Variants in USH2A observed in about 807,000 individuals in gnomAD.
The protein encoded by USH2A is usherin.
In USH2A, 443 loss-of-function variants were observed where a neutral mutation model predicts 538.9. That is an observed-to-expected ratio of 0.82 (90% confidence interval 0.76 to 0.89). USH2A has a LOEUF of 0.89. Ranked by LOEUF, USH2A falls within the 40% of genes least tolerant of loss-of-function variation. The probability of loss-of-function intolerance (pLI) is 0.00; values close to 1 mark genes in which losing one functional copy is unlikely to be tolerated. For synonymous variants in USH2A, 2,413 were observed against 2,273.5 expected (o/e 1.06, Z -1.75); for missense variants, 6,633 against 6,324.8 (o/e 1.05, Z -1.65).
chr1:215,734,611 A>C (rs1660102023), intron 60 of USH2A, among the ~76,000 whole-genome samples: 2 of 152,126 alleles, frequency 1.3e-5, no homozygotes, highest in Non-Finnish European at 2.9e-5. Flanking sequence ...CTTTGCTCCC[A>C]TATCTGATTG....
At chr1:215,681,597 G>A (rs557675098) in intron 61 of USH2A, among the ~76,000 whole-genome samples, 2 of 152,216 alleles carry the variant, frequency 1.3e-5, no homozygotes, top group South Asian at 4.1e-4. Context: ...AATTATGTGT[G>A]GGGGCATCCA....
chr1:216,278,252 C>T (rs2036707645), intron 11 of USH2A, among the ~76,000 whole-genome samples: 1 of 152,088 alleles, frequency 6.6e-6, no homozygotes, highest in African/African-American at 2.4e-5. Context: ...CAGATGTATT[C>T]AAACATGTGG....
At chr1:215,629,213 A>G (rs895612076) in intron 70 of USH2A, among the ~76,000 whole-genome samples, 178 bp from the exon 71 acceptor site, 2 of 152,166 alleles carry the variant, frequency 1.3e-5, no homozygotes, top group African/African-American at 4.8e-5. Context: ...AGCACCCACA[A>G]CACGGTGACC....
chr1:215,848,610 G>C (rs12126346), intron 44 of USH2A, among the ~76,000 whole-genome samples: 6,034 of 152,190 alleles, frequency 0.04, 146 homozygotes, highest in African/African-American at 0.069. Flanking sequence ...TGGTGATTCC[G>C]TTCCATTGTT....
At chr1:216,358,935 T>C (rs1294167587) in intron 4 of USH2A, among the ~76,000 whole-genome samples, 1 of 152,124 alleles carries the variant, frequency 6.6e-6, no homozygotes, top group African/African-American at 2.4e-5. Flanking sequence ...CTGCAGTGCA[T>C]AGGGGACTAA....
At chr1:216,338,034 TG>T (rs1558044202) in intron 4 of USH2A, among the ~76,000 whole-genome samples, 1 of 151,398 alleles carries the variant, frequency 6.6e-6, no homozygotes, top group Non-Finnish European at 1.5e-5. Flanking sequence ...ATAAATAGAA[TG>T]ATATACTATG....
chr1:216,180,037 C>A (rs1429170648), intron 20 of USH2A, among the ~76,000 whole-genome samples: 2 of 152,052 alleles, frequency 1.3e-5, no homozygotes, highest in Admixed American at 6.6e-5. Flanking sequence ...CATACATTGA[C>A]AACAATTGCT....
At chr1:215,627,509 C>CTTCCTTCCTTCCTTCT (rs1656098238) in intron 71 of USH2A, among the ~76,000 whole-genome samples, 4 of 133,444 alleles carry the variant, frequency 3.0e-5, no homozygotes, top group Admixed American at 2.4e-4. Flanking sequence ...TCCTTCTTTC[C>CTTCCTTCCTTCCTTCT]TTCCTTCCTT....
At chr1:216,401,901 C>T (rs1243924626) in intron 3 of USH2A, among the ~76,000 whole-genome samples, 1 of 151,966 alleles carries the variant, frequency 6.6e-6, no homozygotes, top group East Asian at 1.9e-4. Flanking sequence ...GTAAAAAGGA[C>T]ATCATTACAA....
chr1:215,897,750 A>G (rs1665387434), intron 40 of USH2A, among the ~76,000 whole-genome samples: 1 of 152,026 alleles, frequency 6.6e-6, no homozygotes, highest in African/African-American at 2.4e-5. Flanking sequence ...AGAAAGAGAA[A>G]GAGAGTGAGA....
At chr1:216,157,692 A>T (rs1287705799) in intron 21 of USH2A, among the ~76,000 whole-genome samples, 1 of 152,212 alleles carries the variant, frequency 6.6e-6, no homozygotes, top group Non-Finnish European at 1.5e-5. Flanking sequence ...GGAGTTCATA[A>T]TTCTAAGTGA....
At chr1:216,337,099 A>G (rs1161711937) in intron 4 of USH2A, among the ~76,000 whole-genome samples, 2 of 151,458 alleles carry the variant, frequency 1.3e-5, no homozygotes, top group African/African-American at 4.8e-5. Context: ...TAGCAGCCAG[A>G]GACAGATCTT....
chr1:215,806,522 C>A lies in USH2A; in HGVS notation c.9739+7214G>T, dbSNP rs537470427. Among the ~76,000 whole-genome samples the A allele has an allele frequency of 3.3e-5, 5 of 152,136 alleles. No individual in the cohort carries two copies. The South Asian group carries it at 1.0e-3, about 32-fold the overall frequency. On this transcript the variant is annotated intron_variant, in intron 49 of 71. Transcript: ENST00000307340. ...GTGGGATTCATACAGGATGCTAACC[C>A]CTTAAAGATGTCTATCAATCTGGCT... is the stretch of plus-strand genomic sequence containing the variant.
chr1:215,817,955 T>G (rs1662905335), intron 47 of USH2A, among the ~76,000 whole-genome samples: 1 of 152,018 alleles, frequency 6.6e-6, no homozygotes, highest in Non-Finnish European at 1.5e-5. Flanking sequence ...TTACTCAATA[T>G]AATGATAATG....
At chr1:215,837,926 T>C in intron 47 of USH2A, 65 bp downstream of exon 47, 1 of 1,296,160 alleles carries the variant, frequency 7.7e-7, no homozygotes, top group Admixed American at 1.7e-5. Context: ...GAGGATACCT[T>C]TGATTTTTAT....
chr1:216,337,904 T>C (rs779201826), intron 4 of USH2A, among the ~76,000 whole-genome samples: 4 of 151,362 alleles, frequency 2.6e-5, no homozygotes, highest in South Asian at 4.1e-4. Context: ...AAAGATACTA[T>C]TTACAATAGC....
At chr1:216,273,804 T>G (rs947424574) in intron 11 of USH2A, among the ~76,000 whole-genome samples, 1 of 135,302 alleles carries the variant, frequency 7.4e-6, no homozygotes, top group Non-Finnish European at 1.6e-5. Context: ...CAAATTGTCC[T>G]CCAATCCAGA....
intron 51 of USH2A, among the ~76,000 whole-genome samples, chr1:215,788,041 G>A (rs1342327659): frequency 6.6e-6 from 1 of 152,138 alleles, no homozygotes. Flanking sequence ...ATGTGTGTGT[G>A]TGTATGTGTG....
chr1:216,322,141 T>C (rs1279052149), intron 8 of USH2A, among the ~76,000 whole-genome samples, 165 bp from the exon 9 acceptor site: 2 of 152,118 alleles, frequency 1.3e-5, no homozygotes, highest in Non-Finnish European at 2.9e-5. Flanking sequence ...TCCATACACG[T>C]TTTTAATTTA....
Sources: allele counts gnomAD v4.1 joint callset (sites outside exome capture counted in the v4.1 genomes callset), GRCh38; gene constraint gnomAD v4.1.1; transcripts MANE v1.5; gene names NCBI Gene and HGNC (gene_info 2026-07-23, HGNC 2026-07-21).